Variants in MAGI2 observed in about 807,000 individuals in gnomAD.
MAGI2 encodes membrane-associated guanylate kinase, WW and PDZ domain-containing protein 2.
In MAGI2, 35 loss-of-function variants were observed where a neutral mutation model predicts 133.3. That is an observed-to-expected ratio of 0.26 (90% CI 0.20 to 0.35). MAGI2 has a LOEUF of 0.35. Ranked by LOEUF, MAGI2 falls within the 10% of genes least tolerant of loss-of-function variation. MAGI2 has a pLI of 1.00. For missense variants in MAGI2, 1,636 were observed against 1,863.4 expected, an observed-to-expected ratio of 0.88 and a Z score of 2.25; for synonymous variants, 729 against 710.6, an observed-to-expected ratio of 1.03 and a Z score of -0.41.
intron 2 of MAGI2, among the ~76,000 whole-genome samples, chr7:78,649,471 GGAGACAGCC>G (rs1811312508): frequency 6.6e-6 from 1 of 151,950 alleles, no homozygotes; most frequent in African/African-American, 2.4e-5. Context: ...TTTGGCATGT[GGAGACAGCC>G]GCTAAAAGTT....
intron 1 of MAGI2, chr7:79,125,881 G>A: frequency 2.3e-6 from 1 of 438,548 alleles, no homozygotes; most frequent in Non-Finnish European, 4.5e-6. Flanking sequence ...GGAAGTTACA[G>A]GTTACAAAGG....
intron 1 of MAGI2, among the ~76,000 whole-genome samples, chr7:79,077,574 C>CAAAAAAAAAAAAAAAAAAAAAAAAA (rs769770373): frequency 4.2e-5 from 1 of 23,792 alleles, no homozygotes; most frequent in Admixed American, 5.0e-4. Context: ...GACTGCCTCT[C>CAAAAAAAAAAAAAAAAAAAAAAAAA]AAAAAAAAAA....
At chr7:78,590,991 C>T (rs1461557525) in intron 3 of MAGI2, among the ~76,000 whole-genome samples, 27 of 152,192 alleles carry the variant, frequency 1.8e-4, no homozygotes, top group Admixed American at 1.8e-3. Flanking sequence ...AGACTCCTCC[C>T]TCTGACTTTC....
intron 21 of MAGI2, among the ~76,000 whole-genome samples, chr7:78,031,937 T>C (rs1215180208): frequency 6.6e-6 from 1 of 151,758 alleles, no homozygotes; most frequent in African/African-American, 2.4e-5. Flanking sequence ...AGTTCACTTC[T>C]AGACTAAGGC....
intron 1 of MAGI2, among the ~76,000 whole-genome samples, chr7:79,120,878 C>G (rs1320001865): frequency 6.6e-6 from 1 of 152,056 alleles, no homozygotes; most frequent in Non-Finnish European, 1.5e-5. Flanking sequence ...ATATACTTCT[C>G]TGGATTTTAT....
intron 1 of MAGI2, among the ~76,000 whole-genome samples, chr7:79,072,252 A>G (rs1457846169): frequency 6.6e-6 from 1 of 152,172 alleles, no homozygotes; most frequent in East Asian, 1.9e-4. Context: ...TCTTGCCAAC[A>G]AGTCCAAAAA....
chr7:78,699,860 C>G (rs1348207637), intron 2 of MAGI2, among the ~76,000 whole-genome samples: 2 of 151,924 alleles, frequency 1.3e-5, no homozygotes, highest in Non-Finnish European at 2.9e-5. Context: ...AAAAAATATC[C>G]ATATAACTTT....
intron 3 of MAGI2, among the ~76,000 whole-genome samples, chr7:78,577,213 T>C (rs1261450071): frequency 6.6e-6 from 1 of 152,186 alleles, no homozygotes; most frequent in African/African-American, 2.4e-5. Context: ...ACTAATTTTA[T>C]GGAAAATAAC....
chr7:79,198,129 T>C (rs1241736062), intron 1 of MAGI2, among the ~76,000 whole-genome samples: 2 of 151,878 alleles, frequency 1.3e-5, no homozygotes, highest in African/African-American at 2.4e-5. Context: ...GGTGCATGCT[T>C]CTGGTTCCAG....
Position 79,137,763 on chromosome 7 carries a change from C to G in MAGI2, c.302-130557G>C, listed in dbSNP as rs187530357. Among the ~76,000 whole-genome samples the G allele has an allele frequency of 5.2e-3, 786 of 152,078 alleles. 11 individuals are homozygous for G. The highest frequency in any genetic ancestry group is 0.018 in the African/African-American group (741 of 41,490). ...CGGGCATAAGCCACCATGACCAGCC[C>G]AAATACAGATTTTTACACCCTGTGG... On this transcript the variant is annotated intron_variant, in intron 1 of 21. Coordinates refer to ENST00000354212, the MANE Select transcript of MAGI2 (RefSeq NM_012301.4).
chr7:78,496,471 A>G (rs554426389), intron 5 of MAGI2, among the ~76,000 whole-genome samples: 6 of 152,352 alleles, frequency 3.9e-5, no homozygotes, highest in Admixed American at 2.0e-4. Context: ...AAGCACGTCA[A>G]TCCAGATTAA....
chr7:79,104,860 G>A (rs556971398), intron 1 of MAGI2, among the ~76,000 whole-genome samples: 213 of 152,214 alleles, frequency 1.4e-3, no homozygotes, highest in Middle Eastern at 3.4e-3. Context: ...ACACTGCTGG[G>A]TGTCTACCAG....
At chr7:78,708,378 C>T (rs1585151668) in intron 2 of MAGI2, among the ~76,000 whole-genome samples, 2 of 152,282 alleles carry the variant, frequency 1.3e-5, no homozygotes, top group African/African-American at 4.8e-5. Context: ...AAAATTCTCT[C>T]TAATTCTGAA....
chr7:79,377,311 G>A (rs1843446789), intron 1 of MAGI2, among the ~76,000 whole-genome samples: 1 of 151,736 alleles, frequency 6.6e-6, no homozygotes, highest in South Asian at 2.1e-4. Context: ...TTGAAAAATT[G>A]TAGCACAACA....
At chr7:78,624,502 T>C (rs1019546912) in intron 3 of MAGI2, among the ~76,000 whole-genome samples, 12 of 152,120 alleles carry the variant, frequency 7.9e-5, no homozygotes, top group African/African-American at 2.9e-4. Context: ...TGCAGGGACA[T>C]GGATGGAGTC....
At chr7:78,822,545 T>C (rs1790219562) in intron 2 of MAGI2, among the ~76,000 whole-genome samples, 1 of 152,172 alleles carries the variant, frequency 6.6e-6, no homozygotes, top group Non-Finnish European at 1.5e-5. Context: ...TCTTTTCTTC[T>C]CTATCTTCAA....
At chr7:78,630,878 G>T (rs986090929) in intron 2 of MAGI2, among the ~76,000 whole-genome samples, 1 of 151,716 alleles carries the variant, frequency 6.6e-6, no homozygotes, top group Admixed American at 6.6e-5. Context: ...ATCTTTCCTG[G>T]AGGCTTCTGA....
At chr7:78,648,543 T>C (rs1811154280) in intron 2 of MAGI2, among the ~76,000 whole-genome samples, 1 of 152,238 alleles carries the variant, frequency 6.6e-6, no homozygotes, top group Non-Finnish European at 1.5e-5. Context: ...TCATCTAGCA[T>C]ATGTGCTCTC....
At chr7:78,712,178 C>G (rs979520253) in intron 2 of MAGI2, among the ~76,000 whole-genome samples, 1 of 152,118 alleles carries the variant, frequency 6.6e-6, no homozygotes, top group Non-Finnish European at 1.5e-5. Flanking sequence ...TATATACACT[C>G]GTCTATGAAC....
Sources: allele counts gnomAD v4.1 joint callset (sites outside exome capture counted in the v4.1 genomes callset), GRCh38; gene constraint gnomAD v4.1.1; transcripts MANE v1.5; gene names NCBI Gene and HGNC (gene_info 2026-07-23, HGNC 2026-07-21).